The following SIM1 variants were observed in gnomAD, a reference collection of about 807,000 sequenced individuals.
The protein encoded by SIM1 is single-minded homolog 1.
In SIM1, 18 loss-of-function variants were observed where a neutral mutation model predicts 78.2. That is an observed-to-expected ratio of 0.23 (90% CI 0.16 to 0.34). SIM1 has a LOEUF of 0.34. SIM1 is among the 10% of genes least tolerant of loss of function. SIM1 has a pLI of 1.00. For missense variants in SIM1, 939 were observed against 975.1 expected, an observed-to-expected ratio of 0.96 and a Z score of 0.49; for synonymous variants, 417 against 385.2, an observed-to-expected ratio of 1.08 and a Z score of -0.97.
At chr6:100,425,467 G>A (rs1313343472) in intron 9 of SIM1, among the ~76,000 whole-genome samples, 1 of 152,144 alleles carries the variant, frequency 6.6e-6, no homozygotes, top group Non-Finnish European at 1.5e-5. Flanking sequence ...TGGCCTTCCT[G>A]CTTCTCTGTT....
rs1770703637 is a variant in SIM1 at position 100,393,779 on chromosome 6, A to C, written c.1278T>G (p.Pro426=). 1 of 1,614,180 alleles carries C rather than the reference A, an allele frequency of 6.2e-7. No homozygotes were observed. The highest frequency in any genetic ancestry group is 1.3e-5 in the African/African-American group (1 of 75,072). Residue 426 remains proline (P), a synonymous_variant, in exon 11 of 12, where the codon CCT becomes CCG. Transcript: ENST00000369208. ...CGCACGATGCGTCGTGCTGGGAGCC[A>C]GGCCTATCGGCGGGGTCCAGAAGCT... The part of the protein sequence containing the change: ...SPQLLDPADR[P]GSQHDASCAY...
intron 6 of SIM1, 41 bp downstream of exon 6, chr6:100,449,315 TTCCCGCC>T (rs1443423823): frequency 1.3e-6 from 2 of 1,523,950 alleles, no homozygotes; most frequent in Admixed American, 3.4e-5. Context: ...CGCGCCTTGC[TTCCCGCC>T]TCCTCTGACT....
Position 100,390,536 on chromosome 6 carries a change from T to G in SIM1, c.2126A>C (p.His709Pro), listed in dbSNP as rs754954454. 2.5e-6 allele frequency: 4 copies of G among 1,614,214 alleles called. No homozygotes were observed. The highest frequency in any genetic ancestry group is 3.4e-6 in the Non-Finnish European group (4 of 1,180,020). ...GGCATATCCAGTTAATGTGTAAGCA[T>G]GCTTGTCAAAATACTGCCGGTGAGA... ...FGSHRQYFDK[H>P]AYTLTGYALE... The change falls in exon 12 of 12, where the codon CAT (histidine) becomes CCT (proline). Residue 709 changes from histidine (H) to proline (P), a missense_variant. By Grantham distance (77) the His-to-Pro change is moderately conservative (BLOSUM62 -2). Transcript: ENST00000369208.
chr6:100,411,519 T>C (rs1026044239), intron 10 of SIM1, among the ~76,000 whole-genome samples: 6 of 152,244 alleles, frequency 3.9e-5, no homozygotes, highest in Non-Finnish European at 7.3e-5. Context: ...CGTTATACAT[T>C]TCTTAGCAGC....
chr6:100,459,598 A>G (rs978248854), intron 2 of SIM1, among the ~76,000 whole-genome samples: 9 of 152,210 alleles, frequency 5.9e-5, no homozygotes, highest in African/African-American at 2.2e-4. Flanking sequence ...AAGAATTTCA[A>G]TCTTGAGGTG....
rs1234261032 is a variant in SIM1, at chr6:100,386,915, C to G, written c.*3446G>C. 5.3e-5 allele frequency: 8 copies of G among 152,008 alleles called. No homozygotes were observed. Among genetic ancestry groups the G allele is most frequent in the African/African-American group, 1.7e-4 (7 of 41,394 alleles). 9.4% of individuals were successfully genotyped at this position (152,008 alleles called of 1,614,324 possible). ...TGTGGACCGAAGCACACCTAAATATCTGACCTGTAGTGATTGTGACATTAA... is the reference window on the plus strand; with the variant it reads ...TGTGGACCGAAGCACACCTAAATATGTGACCTGTAGTGATTGTGACATTAA... On this transcript the variant is annotated 3_prime_UTR_variant, in exon 12 of 12. Transcript: ENST00000369208.
intron 10 of SIM1, among the ~76,000 whole-genome samples, chr6:100,399,228 A>G (rs1291052580): frequency 6.6e-6 from 1 of 152,134 alleles, no homozygotes; most frequent in Non-Finnish European, 1.5e-5. Context: ...ATGAATGGTT[A>G]AACAAAATAT....
chr6:100,387,312 G>C lies in SIM1; in HGVS notation c.*3049C>G, dbSNP rs1294134097. On this transcript the variant is annotated 3_prime_UTR_variant, in exon 12 of 12. Coordinates refer to ENST00000369208, the MANE Select transcript of SIM1 (RefSeq NM_005068.3). The stretch of plus-strand genomic sequence containing the variant: ...AGAATTAAAACTAAAGCCATATTAA[G>C]TTTAACTGATTAAATTATCGGGAAC... 2 of 151,934 alleles carry C rather than the reference G, an allele frequency of 1.3e-5. No individual in the cohort carries two copies. The highest frequency in any genetic ancestry group is 2.9e-5 in the Non-Finnish European group (2 of 67,882). The allele number at this position is 151,934 out of a possible 1,614,324, so 9.4% of individuals were successfully genotyped here.
intron 10 of SIM1, chr6:100,396,185 G>GTGCT (rs1770761602): frequency 4.7e-6 from 2 of 426,170 alleles, no homozygotes; most frequent in African/African-American, 2.1e-5. Flanking sequence ...GGGGATCCAA[G>GTGCT]TGCTATACAT....
In SIM1 at chr6:100,412,656, AG is replaced by A. The variant is rs1437697904; in HGVS notation, c.1167+8133del. Among the ~76,000 whole-genome samples, 171 of 99,482 alleles carry A rather than the reference AG, an allele frequency of 1.7e-3. 9 individuals are homozygous for A. Among genetic ancestry groups the A allele is most frequent in the African/African-American group, 5.9e-3 (161 of 27,376 alleles). The allele number at this position is 99,482 out of a possible 152,430, so 65.3% of individuals were successfully genotyped here. A position where few individuals can be genotyped will look rare whatever the true frequency, so the allele number is the denominator to read the frequency against. On this transcript the variant is annotated intron_variant, in intron 10 of 11. Transcript: ENST00000369208. Reference sequence around the variant, plus strand: ...AGAAAGAAAAGAAAGAAAGAAAGAAAGAGAGAGAGAGAGAGAGAAAGAAAGA... The same window carrying A: ...AGAAAGAAAAGAAAGAAAGAAAGAAAAGAGAGAGAGAGAGAGAAAGAAAGA...
chr6:100,386,230 T>C lies in SIM1; in HGVS notation c.*4131A>G, dbSNP rs537787778. ...AATCTGGGCATTCAAACATTTTATA[T>C]CAGAAAGACTGTGTTTGATTGTATT... is the stretch of plus-strand genomic sequence containing the variant. On this transcript the variant is annotated 3_prime_UTR_variant, in exon 12 of 12. Transcript: ENST00000369208. The C allele has an allele frequency of 6.6e-6, 1 of 152,130 alleles. No individual in the cohort carries two copies. Among genetic ancestry groups the C allele is most frequent in the East Asian group, 1.9e-4 (1 of 5,180 alleles). 9.4% of individuals were successfully genotyped at this position (152,130 alleles called of 1,614,324 possible).
chr6:100,414,345 C>T (rs1455852032), intron 10 of SIM1, among the ~76,000 whole-genome samples: 1 of 152,168 alleles, frequency 6.6e-6, no homozygotes, highest in Non-Finnish European at 1.5e-5. Flanking sequence ...AAGAATTCAC[C>T]TATATTACTT....
chr6:100,432,825 A>G (rs1771937452), intron 9 of SIM1, among the ~76,000 whole-genome samples: 2 of 152,072 alleles, frequency 1.3e-5, no homozygotes, highest in African/African-American at 4.8e-5. Context: ...CTTACATGAC[A>G]TTTCCACTCT....
intron 2 of SIM1, chr6:100,462,845 A>G (rs1180919299): frequency 6.5e-6 from 1 of 153,972 alleles, no homozygotes; most frequent in Non-Finnish European, 1.4e-5. Context: ...ATATATAGAG[A>G]AATTATTATC....
chr6:100,406,751 T>C (rs1174742754), intron 10 of SIM1, among the ~76,000 whole-genome samples: 2 of 152,224 alleles, frequency 1.3e-5, no homozygotes, highest in African/African-American at 4.8e-5. Context: ...ATAAATTTAA[T>C]GTACGTATAC....
intron 2 of SIM1, among the ~76,000 whole-genome samples, chr6:100,455,409 C>T (rs1264206341): frequency 6.6e-6 from 1 of 152,208 alleles, no homozygotes; most frequent in Non-Finnish European, 1.5e-5. Context: ...GGAAGGGCCC[C>T]CGCCACAGCC....
chr6:100,456,771 T>C (rs1772675518), intron 2 of SIM1, among the ~76,000 whole-genome samples: 1 of 152,186 alleles, frequency 6.6e-6, no homozygotes. Context: ...TAGCTCACAT[T>C]TCCTGTGAAA....
intron 11 of SIM1, among the ~76,000 whole-genome samples, chr6:100,392,881 G>T (rs1313392037): frequency 6.6e-6 from 1 of 152,194 alleles, no homozygotes; most frequent in African/African-American, 2.4e-5. Flanking sequence ...CCATTTCGAC[G>T]TGTTTATAAA....
intron 9 of SIM1, among the ~76,000 whole-genome samples, chr6:100,433,614 A>G (rs1016563650): frequency 7.9e-5 from 12 of 151,958 alleles, no homozygotes; most frequent in Non-Finnish European, 1.5e-4. Flanking sequence ...CATGCATGCC[A>G]TCCCAGCTAC....
Sources: allele counts gnomAD v4.1 joint callset (sites outside exome capture counted in the v4.1 genomes callset), GRCh38; gene constraint gnomAD v4.1.1; transcripts MANE v1.5; gene names NCBI Gene and HGNC (gene_info 2026-07-23, HGNC 2026-07-21).